TENT4A: variants seen among roughly 807,000 people sequenced by gnomAD.
TENT4A encodes the protein terminal nucleotidyltransferase 4A.
TENT4A carries 7 observed loss-of-function variants against 72.8 expected under a neutral mutation model. That is an observed-to-expected ratio of 0.10 (90% confidence interval 0.05 to 0.18). The LOEUF (loss-of-function observed/expected upper bound fraction) is 0.18, where lower values mean the gene tolerates loss of function less well. Ranked by LOEUF, TENT4A falls within the 10% of genes least tolerant of loss-of-function variation. TENT4A has a pLI of 1.00. For missense variants in TENT4A, 831 were observed against 1,017.7 expected (o/e 0.82, Z 2.50); for synonymous variants, 456 against 434.3 (o/e 1.05, Z -0.62).
At chr5:6,727,029 A>G (rs1482190901) in intron 1 of TENT4A, among the ~76,000 whole-genome samples, 1 of 150,856 alleles carries the variant, frequency 6.6e-6, no homozygotes, top group East Asian at 2.0e-4. Context: ...CCAGCTCACC[A>G]CCCTAGTGCA....
chr5:6,737,573 G>A lies in TENT4A; in HGVS notation c.780G>A (p.Met260Ile). The A allele has an allele frequency of 1.9e-6, 3 of 1,614,132 alleles. No homozygotes were observed. The highest frequency in any genetic ancestry group is 1.7e-6 in the Non-Finnish European group (2 of 1,179,968). Residue 260 changes from methionine (M) to isoleucine (I), a missense_variant, in exon 2 of 13, where the codon ATG becomes ATA. By Grantham distance (10) the Met-to-Ile change is conservative. Coordinates refer to ENST00000230859, the MANE Select transcript of TENT4A (RefSeq NM_006999.6). ...FMSPCPEEAA[M>I]RREVVKRIET... ...CCCCTTGTCCTGAAGAAGCAGCTAT[G>A]AGAAGAGAGGTGGTGAAACGGATCG...
At chr5:6,723,981 C>T (rs1033402935) in intron 1 of TENT4A, among the ~76,000 whole-genome samples, 14 of 152,308 alleles carry the variant, frequency 9.2e-5, no homozygotes, top group East Asian at 3.9e-4. Context: ...TTTCATCTGA[C>T]GGCAGTTGAA....
intron 1 of TENT4A, among the ~76,000 whole-genome samples, chr5:6,717,871 C>T (rs1308641420): frequency 6.6e-6 from 1 of 152,232 alleles, no homozygotes; most frequent in Non-Finnish European, 1.5e-5. Flanking sequence ...TTGGAAACCT[C>T]TTCAGGTTAA....
intron 2 of TENT4A, among the ~76,000 whole-genome samples, chr5:6,737,927 T>TTTTG (rs1741593739): frequency 6.7e-6 from 1 of 148,976 alleles, no homozygotes; most frequent in South Asian, 2.2e-4. Context: ...TTTTTTTTTT[T>TTTTG]GGAAGGGGGA....
chr5:6,743,858 A>AGACT lies in TENT4A; in HGVS notation c.1245+20_1245+23dup. 1 of 1,612,010 alleles carries AGACT rather than the reference A, an allele frequency of 6.2e-7. No homozygotes were observed. The highest frequency in any genetic ancestry group is 1.1e-5 in the South Asian group (1 of 90,484). ...TTCTACAGGTATGTATGCTTTCTTGAGACTGTTTCTGTTGAGACATGTGTA... is the reference window on the plus strand; with the variant it reads ...TTCTACAGGTATGTATGCTTTCTTGAGACTGACTGTTTCTGTTGAGACATGTGTA... On this transcript the variant is annotated intron_variant, in intron 6 of 12. Transcript: ENST00000230859.
chr5:6,724,096 A>G (rs935900603), intron 1 of TENT4A, among the ~76,000 whole-genome samples: 3 of 152,210 alleles, frequency 2.0e-5, no homozygotes, highest in Non-Finnish European at 4.4e-5. Flanking sequence ...TTGAAGAGAG[A>G]AAAATTAAGC....
intron 7 of TENT4A, among the ~76,000 whole-genome samples, chr5:6,747,999 A>G (rs1271180752): frequency 6.6e-6 from 1 of 152,210 alleles, no homozygotes; most frequent in Admixed American, 6.5e-5. Context: ...GTTGTGATGC[A>G]CTTGGGGTGA....
At position 6,738,855 on chromosome 5, in the gene TENT4A, CTG is replaced by C. The variant is rs773842199; in HGVS notation, c.887+129_887+130del. 3.4e-4 allele frequency: 251 copies of C among 734,574 alleles called. 1 individual carries two copies. Among genetic ancestry groups the C allele is most frequent in the Admixed American group, 5.7e-4 (26 of 45,600 alleles). 45.5% of individuals were successfully genotyped at this position (734,574 alleles called of 1,614,324 possible). On this transcript the variant is annotated intron_variant, in intron 3 of 12. Coordinates refer to ENST00000230859, the MANE Select transcript of TENT4A (RefSeq NM_006999.6). ...GAGAAATGCCAGCTAAAGGAAAAGA[CTG>C]TGGTTACAGAGGGAAATTGGCAGAA...
intron 1 of TENT4A, among the ~76,000 whole-genome samples, chr5:6,732,607 T>G (rs1741267418): frequency 6.6e-6 from 1 of 152,246 alleles, no homozygotes. Context: ...AGGCAGTGAT[T>G]GTAAACGAGA....
intron 5 of TENT4A, among the ~76,000 whole-genome samples, chr5:6,743,474 G>T (rs1348481102): frequency 6.6e-6 from 1 of 152,114 alleles, no homozygotes; most frequent in Non-Finnish European, 1.5e-5. Flanking sequence ...CATGGTAGGG[G>T]TGCACCCCTG....
chr5:6,726,744 AG>A (rs1034730561), intron 1 of TENT4A, among the ~76,000 whole-genome samples: 1 of 152,064 alleles, frequency 6.6e-6, no homozygotes, highest in Non-Finnish European at 1.5e-5. Flanking sequence ...GTGGAATCAG[AG>A]GTGAGACCCA....
chr5:6,755,264 G>C lies in TENT4A; in HGVS notation c.*319G>C. 1 of 244,802 alleles carries C rather than the reference G, an allele frequency of 4.1e-6. No homozygotes were observed. Among genetic ancestry groups the C allele is most frequent in the East Asian group, 7.7e-5 (1 of 13,000 alleles). 15.2% of individuals were successfully genotyped at this position (244,802 alleles called of 1,614,324 possible). ...CTTGCGGTTTGAGGTAGCCGTGTCT[G>C]TTCCTTCGCGGTTTGCTATTTTCAT... On this transcript the variant is annotated 3_prime_UTR_variant, in exon 13 of 13. Transcript: ENST00000230859.
At chr5:6,751,823 G>A (rs1249467765) in intron 11 of TENT4A, among the ~76,000 whole-genome samples, 8 of 152,284 alleles carry the variant, frequency 5.3e-5, no homozygotes, top group Admixed American at 4.6e-4. Context: ...GAAATGTGGG[G>A]TATAATTTGA....
At chr5:6,731,678 T>G (rs761249394) in intron 1 of TENT4A, among the ~76,000 whole-genome samples, 9 of 152,168 alleles carry the variant, frequency 5.9e-5, no homozygotes, top group Non-Finnish European at 1.2e-4. Flanking sequence ...CTAGCTGGAC[T>G]GCAGGCCTGG....
At position 6,752,929 on chromosome 5, in the gene TENT4A, A is replaced by G. The variant is rs1486301179; in HGVS notation, c.2076A>G (p.Gln692=). The G allele has an allele frequency of 1.2e-6, 2 of 1,614,074 alleles. No individual in the cohort carries two copies. The highest frequency in any genetic ancestry group is 2.7e-5 in the African/African-American group (2 of 74,912). Residue 692 remains glutamine, a synonymous_variant, in exon 12 of 13, where the codon CAA becomes CAG. Transcript: ENST00000230859. ...TLGVAPVPCR[Q]AGVEGTASLK... is the part of the protein sequence containing the mutation. ...GGGTTGCTCCTGTTCCTTGCAGACA[A>G]GCTGGTGTAGAAGGAACTGCGTCTT...
chr5:6,749,488 T>C (rs2126654094), intron 8 of TENT4A, 69 bp from the exon 9 acceptor site: 1 of 954,054 alleles, frequency 1.0e-6, no homozygotes, highest in Non-Finnish European at 1.7e-6. Flanking sequence ...AAGGTAGCTG[T>C]TCGAGAGGGG....
At chr5:6,745,930 T>G in intron 6 of TENT4A, 2 of 878,124 alleles carry the variant, frequency 2.3e-6, no homozygotes, top group East Asian at 4.8e-5. Flanking sequence ...TATTTGCCCA[T>G]ATTTGGTTAA....
chr5:6,735,473 T>C (rs914506729), intron 1 of TENT4A, among the ~76,000 whole-genome samples: 1 of 152,182 alleles, frequency 6.6e-6, no homozygotes, highest in Non-Finnish European at 1.5e-5. Flanking sequence ...GGCCTGTGGC[T>C]CTTCCCTGGG....
Position 6,752,906 on chromosome 5 carries a change from G to A in TENT4A, c.2053G>A (p.Val685Ile). The change falls in exon 12 of 13, where the codon GTT becomes ATT. Residue 685 changes from valine (V) to isoleucine (I), a missense_variant. Physicochemically the swap from Val to Ile is conservative, Grantham distance 29. This residue lies in a region of TENT4A where 332 missense variants were observed against 324.3 expected (regional missense o/e 1.02). Transcript: ENST00000230859. ...RFTIPPPTLG[V>I]APVPCRQAGV... ...TACTATACCTCCACCGACCCTAGGG[G>A]TTGCTCCTGTTCCTTGCAGACAAGC... 1.2e-6 allele frequency: 2 copies of A among 1,614,130 alleles called. No individual in the cohort carries two copies. The highest frequency in any genetic ancestry group is 1.7e-6 in the Non-Finnish European group (2 of 1,180,016).
Sources: gnomAD v4.1 joint callset for allele counts (sites outside exome capture counted in the v4.1 genomes callset) on GRCh38, gnomAD v4.1.1 for gene constraint, gnomAD v4.1.1 regional missense constraint, MANE v1.5 for transcripts, NCBI Gene and HGNC (gene_info 2026-07-23, HGNC 2026-07-21) for gene names.